Variants in FRMD3 observed in about 807,000 individuals in gnomAD.
FRMD3 encodes FERM domain containing 3.
Under a neutral mutation model 70.2 loss-of-function variants are expected in FRMD3, and 33 were observed. That is an observed-to-expected ratio of 0.47 (90% CI 0.36 to 0.63). The LOEUF is 0.63. Ranked by LOEUF, FRMD3 falls within the 20% of genes least tolerant of loss-of-function variation. The pLI, the probability that FRMD3 is intolerant of heterozygous loss-of-function variation, is 0.00. For synonymous variants in FRMD3, 279 were observed against 255.9 expected (o/e 1.09, Z -0.86); for missense variants, 632 against 711.4 (o/e 0.89, Z 1.27).
chr9:83,274,420 G>A (rs544556024), intron 13 of FRMD3, among the ~76,000 whole-genome samples: 3 of 152,128 alleles, frequency 2.0e-5, no homozygotes, highest in Non-Finnish European at 4.4e-5. Flanking sequence ...GAAATAAACA[G>A]AGGAGAAAAC....
At chr9:83,567,639 C>G in the FRMD3 span, among the ~76,000 whole-genome samples, 622 of 152,198 alleles carry the variant, frequency 4.1e-3, 4 homozygotes, top group Middle Eastern at 0.014. Flanking sequence ...TGCCAGATAC[C>G]CTAAATCATC....
rs553260521 is a variant in FRMD3 at position 83,381,321 on chromosome 9, A to G, written c.252+8283T>C. ...TATAATCCCAGCACTTTCGGAGGCCAAGGTGGGCAGATCACCTGAGGTCAG... is the reference window on the plus strand; with the variant it reads ...TATAATCCCAGCACTTTCGGAGGCCGAGGTGGGCAGATCACCTGAGGTCAG... On this transcript the variant is annotated intron_variant, in intron 2 of 13. Coordinates refer to ENST00000304195, the MANE Select transcript of FRMD3 (RefSeq NM_174938.6). 1.3e-4 allele frequency among the ~76,000 whole-genome samples: 20 copies of G among 152,306 alleles called. No homozygotes were observed. The South Asian group carries it at 2.5e-3, about 19-fold the overall frequency.
At chr9:83,469,443 A>C (rs982426420) in intron 1 of FRMD3, among the ~76,000 whole-genome samples, 1 of 152,228 alleles carries the variant, frequency 6.6e-6, no homozygotes, top group Middle Eastern at 3.2e-3. Flanking sequence ...CACACCTGCC[A>C]GGGAGAATTC....
chr9:83,257,374 G>C (rs1432049555), intron 13 of FRMD3, among the ~76,000 whole-genome samples: 2 of 152,172 alleles, frequency 1.3e-5, no homozygotes, highest in African/African-American at 4.8e-5. Flanking sequence ...CCTGTCGGCA[G>C]GGGGTTGGGG....
chr9:83,280,473 C>T (rs1460993901), intron 13 of FRMD3, among the ~76,000 whole-genome samples: 2 of 152,164 alleles, frequency 1.3e-5, no homozygotes, highest in African/African-American at 4.8e-5. Flanking sequence ...GAGTGATAGA[C>T]CAAAAGCATG....
At chr9:83,278,814 T>C (rs1833876250) in intron 13 of FRMD3, among the ~76,000 whole-genome samples, 1 of 151,982 alleles carries the variant, frequency 6.6e-6, no homozygotes, top group Non-Finnish European at 1.5e-5. Context: ...GGGCAGGGAC[T>C]CAGGAAAGGG....
intron 1 of FRMD3, among the ~76,000 whole-genome samples, chr9:83,512,593 T>C (rs1161554725): frequency 6.6e-6 from 1 of 152,166 alleles, no homozygotes; most frequent in East Asian, 1.9e-4. Flanking sequence ...TGTGGTAGCA[T>C]ATACCCCTAG....
At chr9:83,373,868 G>A (rs117908808) in intron 2 of FRMD3, among the ~76,000 whole-genome samples, 82 of 152,268 alleles carry the variant, frequency 5.4e-4, no homozygotes, top group Non-Finnish European at 1.0e-3. Flanking sequence ...CAAATTTACC[G>A]TCCATTGAGC....
intron 1 of FRMD3, among the ~76,000 whole-genome samples, chr9:83,465,025 G>GAAA (rs147660924): frequency 8.4e-6 from 1 of 119,542 alleles, no homozygotes; most frequent in Non-Finnish European, 1.7e-5. Flanking sequence ...GTCTCAAAAA[G>GAAA]AAAAAAAAAA....
intron 1 of FRMD3, among the ~76,000 whole-genome samples, chr9:83,425,793 G>T (rs1411100000): frequency 6.6e-6 from 1 of 151,480 alleles, no homozygotes; most frequent in African/African-American, 2.4e-5. Flanking sequence ...TGTAATCCCA[G>T]CTACTCGAGA....
At position 83,247,003 on chromosome 9, in the gene FRMD3, T is replaced by C; in HGVS notation, c.*915A>G. ...TAATGTACATTGATATGCAACTGAC[T>C]AGCACATCTGTTACCTTTTTTCCTT... On this transcript the variant is annotated 3_prime_UTR_variant, in exon 14 of 14. Coordinates refer to ENST00000304195, the MANE Select transcript of FRMD3 (RefSeq NM_174938.6). 9 of 985,458 alleles carry C rather than the reference T, an allele frequency of 9.1e-6. No homozygotes were observed. The highest frequency in any genetic ancestry group is 9.6e-6 in the Non-Finnish European group (8 of 829,932). 61.0% of individuals were successfully genotyped at this position (985,458 alleles called of 1,614,324 possible).
chr9:83,332,486 G>C (rs1306871547), intron 6 of FRMD3, among the ~76,000 whole-genome samples: 1 of 151,954 alleles, frequency 6.6e-6, no homozygotes, highest in Non-Finnish European at 1.5e-5. Context: ...TAGCCTCCCA[G>C]AGAGGAAATT....
At chr9:83,372,033 C>T (rs1389656090) in intron 3 of FRMD3, among the ~76,000 whole-genome samples, 1 of 152,188 alleles carries the variant, frequency 6.6e-6, no homozygotes, top group African/African-American at 2.4e-5. Flanking sequence ...TGAATGACGA[C>T]AAGTGACATA....
At chr9:83,418,787 C>G (rs1482800119) in intron 1 of FRMD3, among the ~76,000 whole-genome samples, 2 of 152,038 alleles carry the variant, frequency 1.3e-5, no homozygotes, top group Admixed American at 1.3e-4. Flanking sequence ...GGGTATCTAC[C>G]CAGAGGAAAA....
intron 13 of FRMD3, among the ~76,000 whole-genome samples, chr9:83,252,482 A>G (rs745722531): frequency 2.6e-4 from 39 of 152,132 alleles, no homozygotes; most frequent in Non-Finnish European, 5.0e-4. Flanking sequence ...AAAATAACCA[A>G]CTAGCATCAT....
At chr9:83,435,751 T>C (rs1486865350) in intron 1 of FRMD3, among the ~76,000 whole-genome samples, 2 of 152,096 alleles carry the variant, frequency 1.3e-5, no homozygotes, top group Admixed American at 1.3e-4. Flanking sequence ...TTGTTTAAAA[T>C]TGAGATGTTT....
chr9:83,356,892 C>T (rs1004202860), intron 3 of FRMD3, among the ~76,000 whole-genome samples: 2 of 151,572 alleles, frequency 1.3e-5, no homozygotes, highest in African/African-American at 4.8e-5. Context: ...CCTCACCACC[C>T]CCAACCCTTT....
intron 1 of FRMD3, among the ~76,000 whole-genome samples, chr9:83,446,596 G>A (rs936549418): frequency 2.8e-5 from 4 of 145,222 alleles, no homozygotes; most frequent in Non-Finnish European, 5.9e-5. Flanking sequence ...GCAGTGAGCC[G>A]AGATCGCGCC....
intron 13 of FRMD3, among the ~76,000 whole-genome samples, chr9:83,280,587 T>C (rs1179336153): frequency 6.6e-6 from 1 of 152,200 alleles, no homozygotes; most frequent in Non-Finnish European, 1.5e-5. Context: ...CAAAAACATA[T>C]CACCCCCGCC....
Sources: allele counts gnomAD v4.1 joint callset (sites outside exome capture counted in the v4.1 genomes callset), GRCh38; gene constraint gnomAD v4.1.1; transcripts MANE v1.5; gene names NCBI Gene and HGNC (gene_info 2026-07-23, HGNC 2026-07-21).